The following USH2A variants were observed in gnomAD, a reference collection of about 807,000 sequenced individuals.
The protein encoded by USH2A is Usher syndrome 2A (autosomal recessive, mild).
A neutral mutation model predicts 538.9 loss-of-function variants in USH2A; 443 were observed. The ratio of observed to expected loss-of-function variants is 0.82; its 90% CI spans 0.76 to 0.89. The LOEUF is 0.89. Among genes scored for constraint, USH2A ranks in the 40% least tolerant of loss-of-function variants. The pLI is 0.00. For missense variants in USH2A, 6,633 were observed against 6,324.8 expected (o/e 1.05, Z -1.65); for synonymous variants, 2,413 against 2,273.5 (o/e 1.06, Z -1.75).
chr1:215,965,730 C>T (rs962579939), intron 36 of USH2A, among the ~76,000 whole-genome samples: 2 of 152,104 alleles, frequency 1.3e-5, no homozygotes, highest in Non-Finnish European at 2.9e-5. Flanking sequence ...TGTGGATCTG[C>T]TCACACTGTG....
intron 61 of USH2A, among the ~76,000 whole-genome samples, chr1:215,717,637 T>C (rs1037848334): frequency 2.6e-5 from 4 of 152,228 alleles, no homozygotes; most frequent in African/African-American, 7.2e-5. Flanking sequence ...CTGGACCAAG[T>C]AGATTCTCAA....
chr1:215,731,831 A>G (rs1416404423), intron 60 of USH2A, among the ~76,000 whole-genome samples: 1 of 152,192 alleles, frequency 6.6e-6, no homozygotes, highest in Non-Finnish European at 1.5e-5. Context: ...AGAATATTAC[A>G]AATATTCTGA....
At chr1:215,973,415 C>T (rs1048058313) in intron 35 of USH2A, among the ~76,000 whole-genome samples, 4 of 152,120 alleles carry the variant, frequency 2.6e-5, no homozygotes, top group African/African-American at 9.7e-5. Flanking sequence ...TCTTCTCACA[C>T]AGAATATAAT....
chr1:215,808,640 T>G (rs2102788274), intron 49 of USH2A, among the ~76,000 whole-genome samples: 1 of 152,224 alleles, frequency 6.6e-6, no homozygotes, highest in African/African-American at 2.4e-5. Context: ...AAAACTATGG[T>G]TTGTCTTGTA....
intron 49 of USH2A, among the ~76,000 whole-genome samples, chr1:215,809,195 A>G (rs1386663906): frequency 6.6e-6 from 1 of 152,162 alleles, no homozygotes; most frequent in Non-Finnish European, 1.5e-5. Flanking sequence ...TTGTCTTCAC[A>G]GTCAAAGAAC....
At chr1:215,982,147 C>T (rs1425333459) in intron 35 of USH2A, among the ~76,000 whole-genome samples, 5 of 152,168 alleles carry the variant, frequency 3.3e-5, no homozygotes, top group African/African-American at 7.2e-5. Context: ...GTCATGACCA[C>T]GTACCTTTAA....
At position 215,862,041 on chromosome 1, in the gene USH2A, T is replaced by C. The variant is rs527597215; in HGVS notation, c.8845+4966A>G. On this transcript the variant is annotated intron_variant, in intron 44 of 71. Transcript: ENST00000307340. ...TTTTAGTAGAGACGGAGTTTCACCATGTTGGCCAGGATGGTCTCGATCTCC... is the reference window on the plus strand; with the variant it reads ...TTTTAGTAGAGACGGAGTTTCACCACGTTGGCCAGGATGGTCTCGATCTCC... Among the ~76,000 whole-genome samples, 52 of 152,152 alleles carry C rather than the reference T, an allele frequency of 3.4e-4. No homozygotes were observed. The South Asian group carries it at 0.01, about 30-fold the overall frequency.
chr1:215,772,865 C>G (rs1661331664), intron 55 of USH2A, among the ~76,000 whole-genome samples: 1 of 152,204 alleles, frequency 6.6e-6, no homozygotes, highest in South Asian at 2.1e-4. Flanking sequence ...GTGATTAGCT[C>G]AAGCACTGAG....
At chr1:216,258,777 C>A (rs1215032825) in intron 11 of USH2A, among the ~76,000 whole-genome samples, 1 of 152,042 alleles carries the variant, frequency 6.6e-6, no homozygotes, top group East Asian at 1.9e-4. Context: ...TTTATCATTT[C>A]AAGCAGGAGG....
chr1:216,124,991 T>C (rs2033219305), intron 21 of USH2A, among the ~76,000 whole-genome samples: 1 of 152,180 alleles, frequency 6.6e-6, no homozygotes, highest in Non-Finnish European at 1.5e-5. Context: ...GTAATAAAAA[T>C]GACATCAAAT....
At position 216,006,557 on chromosome 1, in the gene USH2A, C is replaced by T. The variant is rs571957717; in HGVS notation, c.6326-5995G>A. Among the ~76,000 whole-genome samples, 176 of 152,278 alleles carry T rather than the reference C, an allele frequency of 1.2e-3. 1 individual carries two copies. The highest frequency in any genetic ancestry group is 4.1e-3 in the African/African-American group (171 of 41,554). On this transcript the variant is annotated intron_variant, in intron 32 of 71. Transcript: ENST00000307340. ...TCTCTAAGATGTTTCCGAGAGATGT[C>T]ACTGAACACACTGAAAGAGTCTAGT...
intron 3 of USH2A, among the ~76,000 whole-genome samples, chr1:216,382,307 G>A (rs1571763088): frequency 6.6e-6 from 1 of 152,284 alleles, no homozygotes; most frequent in East Asian, 1.9e-4. Flanking sequence ...GATGCCAAAT[G>A]AGTGAAAGGA....
At chr1:215,808,935 T>C (rs1341581169) in intron 49 of USH2A, among the ~76,000 whole-genome samples, 1 of 152,068 alleles carries the variant, frequency 6.6e-6, no homozygotes, top group Non-Finnish European at 1.5e-5. Flanking sequence ...GATCAAGACA[T>C]ACTCAGGATT....
At chr1:215,877,526 C>A (rs1405512008) in intron 43 of USH2A, among the ~76,000 whole-genome samples, 1 of 152,092 alleles carries the variant, frequency 6.6e-6, no homozygotes. Context: ...AAGGCTTGAA[C>A]ATCTACAAGT....
At chr1:215,814,922 T>TA (rs1662815896) in intron 48 of USH2A, among the ~76,000 whole-genome samples, 2 of 152,162 alleles carry the variant, frequency 1.3e-5, no homozygotes, top group African/African-American at 4.8e-5. Flanking sequence ...CCCCAGGTCT[T>TA]ACGTTCACTG....
chr1:216,165,573 G>A (rs544040524), intron 21 of USH2A, among the ~76,000 whole-genome samples: 3 of 152,192 alleles, frequency 2.0e-5, no homozygotes, highest in South Asian at 2.1e-4. Context: ...TTTCAAAAAC[G>A]TGGATTTAAA....
intron 4 of USH2A, among the ~76,000 whole-genome samples, chr1:216,332,514 A>G (rs934125449): frequency 1.3e-5 from 2 of 152,162 alleles, no homozygotes; most frequent in African/African-American, 4.8e-5. Flanking sequence ...GCGCATGCTA[A>G]AGAAAGACCT....
chr1:216,292,235 G>A lies in USH2A; in HGVS notation c.1780C>T (p.Pro594Ser), dbSNP rs377085590. The change falls in exon 10 of 72, where the codon CCT becomes TCT. Residue 594 changes from proline (P) to serine (S), a missense_variant. Transcript: ENST00000307340. ...CHYNISVDPFPFEHFRGGGGV... is the reference protein window; with the variant it reads ...CHYNISVDPFSFEHFRGGGGV... Reference sequence around the variant, plus strand: ...CCTCCCCCTCTGAAGTGCTCAAAAGGAAATGGGTCTACAGAGATGTTGTAA... The same window carrying A: ...CCTCCCCCTCTGAAGTGCTCAAAAGAAAATGGGTCTACAGAGATGTTGTAA... 1.9e-5 allele frequency: 30 copies of A among 1,613,944 alleles called. No homozygotes were observed. The highest frequency in any genetic ancestry group is 1.4e-5 in the Non-Finnish European group (17 of 1,179,984).
rs190870617 is a variant in USH2A at position 216,086,706 on chromosome 1, T to G, written c.4987+13A>C. ...TTTGGATGACAACATATAATATACC[T>G]TACTAAACTCACCAGGATCCTTCCT... On this transcript the variant is annotated intron_variant, in intron 24 of 71. Transcript: ENST00000307340. The G allele has an allele frequency of 1.9e-4, 310 of 1,594,364 alleles. 1 individual carries two copies. Among genetic ancestry groups the G allele is most frequent in the Non-Finnish European group, 2.6e-4 (304 of 1,163,084 alleles).
Sources: gnomAD v4.1 joint callset for allele counts (sites outside exome capture counted in the v4.1 genomes callset) on GRCh38, gnomAD v4.1.1 for gene constraint, MANE v1.5 for transcripts, NCBI Gene and HGNC (gene_info 2026-07-23, HGNC 2026-07-21) for gene names.